Variants in PPP3CB observed in about 807,000 individuals in gnomAD.
The protein encoded by PPP3CB is serine/threonine-protein phosphatase 2B catalytic subunit beta isoform.
In PPP3CB, 8 loss-of-function variants were observed where a neutral mutation model predicts 66.4. The observed-to-expected ratio is 0.12, with a 90% CI of 0.07 to 0.22. PPP3CB has a LOEUF of 0.22. Ranked by LOEUF, PPP3CB falls within the 10% of genes least tolerant of loss-of-function variation. The probability of loss-of-function intolerance (pLI) is 1.00; values close to 1 mark genes in which losing one functional copy is unlikely to be tolerated. For missense variants in PPP3CB, 319 were observed against 642.5 expected (o/e 0.50, Z 5.44); for synonymous variants, 208 against 221.2 (o/e 0.94, Z 0.53).
intron 9 of PPP3CB, among the ~76,000 whole-genome samples, chr10:73,460,819 A>AC (rs1404780969): frequency 6.6e-6 from 1 of 152,210 alleles, no homozygotes; most frequent in East Asian, 1.9e-4. Context: ...CTGGTGTTAA[A>AC]CCCCTAGGCA....
rs1293118814 is a variant in PPP3CB at position 73,479,507 on chromosome 10, G to T, written c.96C>A (p.Phe32Leu). 6.2e-7 allele frequency: 1 copy of T among 1,613,618 alleles called. No individual in the cohort carries two copies. The highest frequency in any genetic ancestry group is 1.7e-5 in the Admixed American group (1 of 59,958). The change falls in exon 2 of 14, where the codon TTC becomes TTA. Residue 32 changes from phenylalanine (F) to leucine (L), a missense_variant. Physicochemically the swap from Phe to Leu is conservative, Grantham distance 22 (BLOSUM62 0). This residue lies in a region of PPP3CB where 104 missense variants were observed against 128.4 expected (regional missense o/e 0.81). Transcript: ENST00000360663. ...GADRVVKAVP[F>L]PPTHRLTSEE... ...CAGATGTCAAGCGATGTGTTGGGGG[G>T]AAAGGGACAGCTGCAAATGTTTTTA...
intron 9 of PPP3CB, among the ~76,000 whole-genome samples, chr10:73,455,772 G>A (rs929556055): frequency 3.3e-5 from 5 of 152,002 alleles, no homozygotes; most frequent in African/African-American, 7.3e-5. Context: ...GGGTTTCACC[G>A]TGTTAGCCAG....
In PPP3CB at chr10:73,478,405, A is replaced by C; in HGVS notation, c.411+94T>G. The C allele has an allele frequency of 2.6e-6, 3 of 1,166,876 alleles. No homozygotes were observed. The Middle Eastern group carries it at 6.3e-4, about 243-fold the overall frequency. The allele number at this position is 1,166,876 out of a possible 1,614,324, so 72.3% of individuals were successfully genotyped here. ...TTCAGAATATGCAGAGTTATTAAAAAAACCTAACACAGGTACTTGTGAAAA... is the reference window on the plus strand; with the variant it reads ...TTCAGAATATGCAGAGTTATTAAAACAACCTAACACAGGTACTTGTGAAAA... On this transcript the variant is annotated intron_variant, in intron 3 of 13. Coordinates refer to ENST00000360663, the MANE Select transcript of PPP3CB (RefSeq NM_021132.4).
At chr10:73,479,290 T>C (rs1300580344) in intron 2 of PPP3CB, 27 bp downstream of exon 2, 2 of 1,594,872 alleles carry the variant, frequency 1.3e-6, no homozygotes, top group Non-Finnish European at 1.7e-6. Flanking sequence ...ATAATAAAAA[T>C]AATACCCAAA....
At chr10:73,466,509 C>A (rs1564559059) in intron 9 of PPP3CB, among the ~76,000 whole-genome samples, 1 of 152,234 alleles carries the variant, frequency 6.6e-6, no homozygotes, top group East Asian at 1.9e-4. Context: ...TTCTCATACA[C>A]CAAAGATAGA....
Position 73,487,205 on chromosome 10 carries a change from C to T in PPP3CB, c.86-7688G>A, listed in dbSNP as rs1459706736. Among the ~76,000 whole-genome samples the T allele has an allele frequency of 2.0e-5, 3 of 151,818 alleles. No homozygotes were observed. In the East Asian group the frequency reaches 5.8e-4, roughly 30 times the overall value. On this transcript the variant is annotated intron_variant, in intron 1 of 13. Coordinates refer to ENST00000360663, the MANE Select transcript of PPP3CB (RefSeq NM_021132.4). ...GTCATCATAGGCTCAAGTTTCTGGCCCACAAGTCTTATCCATTCTAAGTTC... is the reference window on the plus strand; with the variant it reads ...GTCATCATAGGCTCAAGTTTCTGGCTCACAAGTCTTATCCATTCTAAGTTC...
chr10:73,485,993 T>C (rs1190455631), intron 1 of PPP3CB, among the ~76,000 whole-genome samples: 4 of 151,476 alleles, frequency 2.6e-5, no homozygotes, highest in African/African-American at 4.9e-5. Flanking sequence ...TTGCCCAGGC[T>C]AGAATGCAGT....
At position 73,480,415 on chromosome 10, in the gene PPP3CB, T is replaced by C. The variant is rs956484358; in HGVS notation, c.86-898A>G. The stretch of plus-strand genomic sequence containing the variant: ...GCACTTTTTGCATATGTGTAAAATG[T>C]TACCACTGCAAATTTATCCCTGTAA... On this transcript the variant is annotated intron_variant, in intron 1 of 13. Transcript: ENST00000360663. 2.6e-5 allele frequency among the ~76,000 whole-genome samples: 4 copies of C among 152,138 alleles called. No homozygotes were observed. In the East Asian group the frequency reaches 7.7e-4, roughly 29 times the overall value.
At chr10:73,476,948 A>T (rs2056799831) in intron 3 of PPP3CB, among the ~76,000 whole-genome samples, 1 of 152,230 alleles carries the variant, frequency 6.6e-6, no homozygotes, top group Non-Finnish European at 1.5e-5. Context: ...GGTATATTGG[A>T]AACACTGGAG....
chr10:73,495,756 C>T (rs940219255), intron 1 of PPP3CB, 49 bp downstream of exon 1: 18 of 1,551,448 alleles, frequency 1.2e-5, no homozygotes, highest in Non-Finnish European at 1.5e-5. Flanking sequence ...CGCCCTCACA[C>T]ACAGCTAGCT....
chr10:73,452,429 C>T (rs1433567532), intron 10 of PPP3CB, among the ~76,000 whole-genome samples: 1 of 152,132 alleles, frequency 6.6e-6, no homozygotes, highest in Non-Finnish European at 1.5e-5. Context: ...GGCATGGTGG[C>T]TCACGCCTGT....
intron 9 of PPP3CB, among the ~76,000 whole-genome samples, chr10:73,457,665 G>A (rs2056450779): frequency 6.6e-6 from 1 of 151,636 alleles, no homozygotes. Context: ...TTGAATCTGG[G>A]AGGTGGAGGT....
intron 10 of PPP3CB, 40 bp from the exon 11 acceptor site, chr10:73,446,613 T>C (rs777973946): frequency 6.4e-7 from 1 of 1,559,138 alleles, no homozygotes; most frequent in Non-Finnish European, 8.8e-7. Context: ...GGCTCAAGTT[T>C]AGGGCATGCA....
intron 3 of PPP3CB, among the ~76,000 whole-genome samples, chr10:73,477,816 C>T (rs976788416): frequency 9.9e-5 from 15 of 151,990 alleles, no homozygotes; most frequent in African/African-American, 3.6e-4. Flanking sequence ...ATTTGAGAGA[C>T]TGGGACAGAA....
chr10:73,487,148 C>T (rs1380931236), intron 1 of PPP3CB, among the ~76,000 whole-genome samples: 2 of 152,112 alleles, frequency 1.3e-5, no homozygotes, highest in African/African-American at 2.4e-5. Flanking sequence ...CCCGCCTGGG[C>T]GAGAGTGAGA....
At chr10:73,445,581 G>A (rs1488454674) in intron 11 of PPP3CB, among the ~76,000 whole-genome samples, 1 of 151,936 alleles carries the variant, frequency 6.6e-6, no homozygotes, top group East Asian at 1.9e-4. Flanking sequence ...GAGTAGCTGG[G>A]ACCACAGGTG....
In PPP3CB at chr10:73,486,360, C is replaced by T. The variant is rs369638303; in HGVS notation, c.86-6843G>A. 2.9e-5 allele frequency among the ~76,000 whole-genome samples: 4 copies of T among 140,232 alleles called. No individual in the cohort carries two copies. In the East Asian group the frequency reaches 6.5e-4, roughly 23 times the overall value. The allele number at this position is 140,232 out of a possible 152,430, so 92.0% of individuals were successfully genotyped here. On this transcript the variant is annotated intron_variant, in intron 1 of 13. Coordinates refer to ENST00000360663, the MANE Select transcript of PPP3CB (RefSeq NM_021132.4). The stretch of plus-strand genomic sequence containing the variant: ...TGCTCTTGTTGCCCAGGCTGGCGTG[C>T]GATGGTGCAATCTCAGCTCACCGCA...
Position 73,453,633 on chromosome 10 carries a change from T to G in PPP3CB, c.1186+779A>C, listed in dbSNP as rs374842583. ...ATCTTACCAATATACAGACCATGTT[T>G]AATACACGGAAACATTGAAATATTG... On this transcript the variant is annotated intron_variant, in intron 10 of 13. Transcript: ENST00000360663. Among the ~76,000 whole-genome samples the G allele has an allele frequency of 8.5e-5, 13 of 152,298 alleles. No individual in the cohort carries two copies. In the East Asian group the frequency reaches 2.1e-3, roughly 25 times the overall value.
At chr10:73,479,076 C>T (rs966604709) in intron 2 of PPP3CB, among the ~76,000 whole-genome samples, 1 of 152,200 alleles carries the variant, frequency 6.6e-6, no homozygotes, top group African/African-American at 2.4e-5. Flanking sequence ...ATGGTCAACA[C>T]AATTGATGAA....
Sources: allele counts gnomAD v4.1 joint callset (sites outside exome capture counted in the v4.1 genomes callset), GRCh38; gene constraint gnomAD v4.1.1; regional missense constraint gnomAD v4.1.1; transcripts MANE v1.5; gene names NCBI Gene and HGNC (gene_info 2026-07-23, HGNC 2026-07-21).